COL5A1: variants seen among roughly 807,000 people sequenced by gnomAD.
COL5A1 encodes the protein collagen alpha-1(V) chain.
COL5A1 carries 16 observed loss-of-function variants against 263.7 expected under a neutral mutation model. The observed-to-expected ratio is 0.06, with a 90% CI of 0.04 to 0.09. The LOEUF (loss-of-function observed/expected upper bound fraction) is 0.09, where lower values mean the gene tolerates loss of function less well. Among genes scored for constraint, COL5A1 ranks in the 10% least tolerant of loss-of-function variants. The pLI, the probability that COL5A1 is intolerant of heterozygous loss-of-function variation, is 1.00. For synonymous variants in COL5A1, 1,012 were observed against 1,004.5 expected, an observed-to-expected ratio of 1.01 and a Z score of -0.14; for missense variants, 2,036 against 2,540.5, an observed-to-expected ratio of 0.80 and a Z score of 4.27.
chr9:134,740,231 G>A (rs1472925432), intron 11 of COL5A1, among the ~76,000 whole-genome samples: 4 of 151,496 alleles, frequency 2.6e-5, no homozygotes, highest in Admixed American at 6.6e-5. Flanking sequence ...AGCCAGCACC[G>A]GCCAAAACTC....
chr9:134,840,926 G>C (rs1175456593), intron 65 of COL5A1, among the ~76,000 whole-genome samples: 1 of 152,210 alleles, frequency 6.6e-6, no homozygotes, highest in Non-Finnish European at 1.5e-5. Flanking sequence ...ATCATAGTCA[G>C]GGAGAATAAG....
At chr9:134,714,054 TCTCCCTTGAGACTTAC>T (rs1174837143) in intron 4 of COL5A1, among the ~76,000 whole-genome samples, 4 of 152,164 alleles carry the variant, frequency 2.6e-5, no homozygotes, top group Non-Finnish European at 4.4e-5. Flanking sequence ...TCCCAAGTCT[TCTCCCTTGAGACTTAC>T]AGTCAGAGAC....
intron 4 of COL5A1, among the ~76,000 whole-genome samples, chr9:134,725,167 C>T (rs1276021019): frequency 6.6e-6 from 1 of 152,134 alleles, no homozygotes; most frequent in Admixed American, 6.5e-5. Context: ...AAGTTCTTTT[C>T]CCTCCCTTGA....
rs912641698 is a variant in COL5A1 at position 134,844,054 on chromosome 9, T to C, written c.*1751T>C. On this transcript the variant is annotated 3_prime_UTR_variant, in exon 66 of 66. Transcript: ENST00000371817. ...GGTGCAGCGCCTTTTCCTTCTACCA[T>C]GGGAAATGCAGGCTGGGCCCTTGGG... 2.2e-4 allele frequency: 33 copies of C among 152,442 alleles called. No homozygotes were observed. Among genetic ancestry groups the C allele is most frequent in the African/African-American group, 7.5e-4 (31 of 41,556 alleles). The allele number at this position is 152,442 out of a possible 1,614,324, so 9.4% of individuals were successfully genotyped here. A position where few individuals can be genotyped will look rare whatever the true frequency, so the allele number is the denominator to read the frequency against.
chr9:134,786,611 A>G (rs1307532813), intron 31 of COL5A1, among the ~76,000 whole-genome samples: 1 of 152,262 alleles, frequency 6.6e-6, no homozygotes, highest in Admixed American at 6.5e-5. Context: ...ATAATGGAGT[A>G]TAAAAGAAAA....
At chr9:134,819,152 T>C (rs1015299514) in intron 57 of COL5A1, 99 bp downstream of exon 57, 54 of 1,279,836 alleles carry the variant, frequency 4.2e-5, no homozygotes, top group Non-Finnish European at 5.9e-5. Flanking sequence ...GTCACCTAAA[T>C]GTGTCAAGCA....
intron 4 of COL5A1, among the ~76,000 whole-genome samples, chr9:134,726,553 T>C (rs1834658991): frequency 6.6e-6 from 1 of 151,686 alleles, no homozygotes; most frequent in South Asian, 2.1e-4. Flanking sequence ...CATGGATGGA[T>C]AAGTGAATGA....
chr9:134,672,884 A>G (rs752172883), intron 1 of COL5A1, among the ~76,000 whole-genome samples: 2 of 152,272 alleles, frequency 1.3e-5, no homozygotes, highest in Non-Finnish European at 2.9e-5. Context: ...ATGAACAGTT[A>G]GAAACAGGAA....
intron 4 of COL5A1, among the ~76,000 whole-genome samples, chr9:134,702,574 G>C (rs958064588): frequency 2.0e-5 from 3 of 152,224 alleles, no homozygotes; most frequent in African/African-American, 7.2e-5. Flanking sequence ...ACACGTACTA[G>C]TTCATTTCTG....
intron 1 of COL5A1, among the ~76,000 whole-genome samples, chr9:134,651,027 G>C (rs1363840627): frequency 6.6e-6 from 1 of 152,232 alleles, no homozygotes; most frequent in East Asian, 1.9e-4. Flanking sequence ...CTCAAGGCCA[G>C]GTGAGGGCGG....
At chr9:134,719,500 C>T (rs1303002709) in intron 4 of COL5A1, among the ~76,000 whole-genome samples, 2 of 152,220 alleles carry the variant, frequency 1.3e-5, no homozygotes, top group Non-Finnish European at 2.9e-5. Flanking sequence ...TGCAAGCGGG[C>T]CATGGGCCTA....
intron 58 of COL5A1, among the ~76,000 whole-genome samples, chr9:134,820,480 C>G (rs1185759216): frequency 6.6e-6 from 1 of 152,174 alleles, no homozygotes; most frequent in East Asian, 1.9e-4. Flanking sequence ...CGTGGTGTCC[C>G]CCAGAGCTGG....
chr9:134,766,363 G>A lies in COL5A1; in HGVS notation c.2089-91G>A, dbSNP rs554930483. 7.6e-5 allele frequency: 98 copies of A among 1,294,976 alleles called. No homozygotes were observed. The African/African-American group carries it at 9.7e-4, about 13-fold the overall frequency. The allele number at this position is 1,294,976 out of a possible 1,614,324, so 80.2% of individuals were successfully genotyped here. ...TCCTCTGATTCGTCGTGGGATGGGC[G>A]TCTGAGCTGAGTTGAGTGGGATTTT... On this transcript the variant is annotated intron_variant, in intron 21 of 65. Coordinates refer to ENST00000371817, the MANE Select transcript of COL5A1 (RefSeq NM_000093.5).
intron 32 of COL5A1, among the ~76,000 whole-genome samples, chr9:134,791,944 AGGGTGAGTCAG>A (rs1181161008): frequency 6.6e-6 from 1 of 152,156 alleles, no homozygotes; most frequent in Non-Finnish European, 1.5e-5. Flanking sequence ...ATGAAGGACA[AGGGTGAGTCAG>A]GGAAAGGTCA....
At chr9:134,659,863 G>A (rs1832148759) in intron 1 of COL5A1, among the ~76,000 whole-genome samples, 1 of 152,216 alleles carries the variant, frequency 6.6e-6, no homozygotes, top group South Asian at 2.1e-4. Flanking sequence ...GCCCTGGTCT[G>A]AGTCAGTTTT....
intron 4 of COL5A1, among the ~76,000 whole-genome samples, chr9:134,711,146 G>C (rs767256240): frequency 1.3e-5 from 2 of 152,106 alleles, no homozygotes; most frequent in African/African-American, 4.8e-5. Context: ...TGAATTGTTC[G>C]GTCGGTGGTT....
chr9:134,774,033 C>G (rs539136822), intron 26 of COL5A1, among the ~76,000 whole-genome samples: 1 of 152,336 alleles, frequency 6.6e-6, no homozygotes, highest in African/African-American at 2.4e-5. Context: ...TCGCACAGTG[C>G]CCGGAACTGG....
chr9:134,748,385 G>A (rs921417221), intron 11 of COL5A1, among the ~76,000 whole-genome samples: 7 of 151,978 alleles, frequency 4.6e-5, no homozygotes, highest in African/African-American at 1.5e-4. Flanking sequence ...ATTCACACAT[G>A]CACACACATA....
chr9:134,832,276 T>G (rs973305989), intron 64 of COL5A1, among the ~76,000 whole-genome samples: 1 of 151,980 alleles, frequency 6.6e-6, no homozygotes, highest in South Asian at 2.1e-4. Flanking sequence ...CATAGTGGTG[T>G]GCACCTGTAA....
Sources: gnomAD v4.1 joint callset for allele counts (sites outside exome capture counted in the v4.1 genomes callset) on GRCh38, gnomAD v4.1.1 for gene constraint, MANE v1.5 for transcripts, NCBI Gene and HGNC (gene_info 2026-07-23, HGNC 2026-07-21) for gene names.